Variants in ARHGEF40 observed in about 807,000 individuals in gnomAD.
ARHGEF40 encodes Rho guanine nucleotide exchange factor (GEF) 40.
A neutral mutation model predicts 165.9 loss-of-function variants in ARHGEF40; 98 were observed. The observed-to-expected ratio is 0.59, with a 90% CI of 0.50 to 0.70. The LOEUF (loss-of-function observed/expected upper bound fraction) is 0.70, where lower values mean the gene tolerates loss of function less well. Ranked by LOEUF, ARHGEF40 falls within the 30% of genes least tolerant of loss-of-function variation. The pLI is 0.00. For missense variants in ARHGEF40, 1,815 were observed against 1,968.0 expected (o/e 0.92, Z 1.47); for synonymous variants, 792 against 814.3 (o/e 0.97, Z 0.47).
the ARHGEF40 span, among the ~76,000 whole-genome samples, chr14:21,065,182 AC>A: frequency 6.5e-3 from 971 of 148,636 alleles, 7 homozygotes; most frequent in African/African-American, 0.022. Context: ...AAAAAAAAAA[AC>A]AAACAACAAC....
rs1886985773 is a variant in ARHGEF40, at chr14:21,072,138, G to GGT, written c.4-905_4-904dup. 6.6e-6 allele frequency among the ~76,000 whole-genome samples: 1 copy of GGT among 152,188 alleles called. No individual in the cohort carries two copies. Among genetic ancestry groups the GGT allele is most frequent in the East Asian group, 1.9e-4 (1 of 5,200 alleles). ...AAGTTTGCAAAGGAATAGCCCAAGG[G>GGT]GTGGTTGTTTAGGTTAGGAGTTGGA... On this transcript the variant is annotated intron_variant, in intron 1 of 23. Coordinates refer to ENST00000298694, the MANE Select transcript of ARHGEF40 (RefSeq NM_018071.5). The surrounding 1 kb of genome is among the most constrained non-coding windows in gnomAD (Gnocchi z 4.1).
intron 1 of ARHGEF40, among the ~76,000 whole-genome samples, chr14:21,071,820 T>TG (rs1187575855): frequency 6.6e-6 from 1 of 152,046 alleles, no homozygotes; most frequent in Non-Finnish European, 1.5e-5. Flanking sequence ...CCGGGAACAC[T>TG]GGGGGTCTGT....
Position 21,075,229 on chromosome 14 carries a change from G to T in ARHGEF40, c.1450+49G>T. On this transcript the variant is annotated intron_variant, in intron 3 of 23. Transcript: ENST00000298694. This position sits in a 1 kb window ranked among gnomAD's most constrained non-coding sequence, Gnocchi z 4.5. Reference sequence around the variant, plus strand: ...CATGGGGCAAGGGCCAAAGCAGGTCGGGCCTATGGGAGGGGGCAGGAGGAG... The same window carrying T: ...CATGGGGCAAGGGCCAAAGCAGGTCTGGCCTATGGGAGGGGGCAGGAGGAG... The T allele has an allele frequency of 6.3e-7, 1 of 1,584,258 alleles. No homozygotes were observed. Among genetic ancestry groups the T allele is most frequent in the South Asian group, 1.2e-5 (1 of 85,372 alleles).
In ARHGEF40 at chr14:21,072,957, AAC is replaced by A. The variant is rs1887095640; in HGVS notation, c.4-84_4-83del. ...ACATTGTACAATCGGGGCTTTGGAG[AAC>A]ACAGCCAACCCCAGACCAGTGCAGC... On this transcript the variant is annotated intron_variant, in intron 1 of 23. Coordinates refer to ENST00000298694, the MANE Select transcript of ARHGEF40 (RefSeq NM_018071.5). This position sits in a 1 kb window ranked among gnomAD's most constrained non-coding sequence, Gnocchi z 4.1. 5.2e-6 allele frequency: 7 copies of A among 1,354,560 alleles called. No homozygotes were observed. Among genetic ancestry groups the A allele is most frequent in the African/African-American group, 1.5e-5 (1 of 68,734 alleles). 83.9% of individuals were successfully genotyped at this position (1,354,560 alleles called of 1,614,324 possible). A position where few individuals can be genotyped will look rare whatever the true frequency, so the allele number is the denominator to read the frequency against.
intron 20 of ARHGEF40, 57 bp downstream of exon 20, chr14:21,087,162 A>T (rs1888409998): frequency 6.3e-7 from 1 of 1,596,190 alleles, no homozygotes; most frequent in South Asian, 1.1e-5. Flanking sequence ...GACAATGAGG[A>T]TACAAAGGGG....
Position 21,074,094 on chromosome 14 carries a change from A to G in ARHGEF40, c.364A>G (p.Lys122Glu), listed in dbSNP as rs1480622318. ...TGCCCAAGCACCCCGACTAGCACTC[A>G]AGTGTCTGGCCCCTGGGGGTGGGCG... is the stretch of plus-strand genomic sequence containing the variant. ...SAAQAPRLALKCLAPGGGRVQ... is the reference protein window; with the variant it reads ...SAAQAPRLALECLAPGGGRVQ... The change falls in exon 3 of 24, where the codon AAG becomes GAG. Residue 122 changes from lysine to glutamate, a missense_variant. Coordinates refer to ENST00000298694, the MANE Select transcript of ARHGEF40 (RefSeq NM_018071.5). The surrounding 1 kb of genome is among the most constrained non-coding windows in gnomAD (Gnocchi z 4.8). 6.2e-7 allele frequency: 1 copy of G among 1,614,106 alleles called. No individual in the cohort carries two copies. Among genetic ancestry groups the G allele is most frequent in the Non-Finnish European group, 8.5e-7 (1 of 1,180,018 alleles).
chr14:21,075,010 A>G lies in ARHGEF40; in HGVS notation c.1280A>G (p.Glu427Gly). ...LPSPSEHKLP[E>G]CHLVKEEYEG... The stretch of plus-strand genomic sequence containing the variant: ...TCACCAAGTGAGCACAAGCTTCCAG[A>G]ATGCCACCTGGTTAAGGAGGAATAT... The change falls in exon 3 of 24, where the codon GAA becomes GGA. Residue 427 changes from glutamate to glycine, a missense_variant. Glu to Gly is a moderately conservative substitution (Grantham distance 98). Transcript: ENST00000298694. This position sits in a 1 kb window ranked among gnomAD's most constrained non-coding sequence, Gnocchi z 4.5. The G allele has an allele frequency of 3.7e-6, 6 of 1,613,808 alleles. No individual in the cohort carries two copies. Among genetic ancestry groups the G allele is most frequent in the Non-Finnish European group, 5.1e-6 (6 of 1,179,970 alleles).
chr14:21,088,001 C>A lies in ARHGEF40; in HGVS notation c.4421C>A (p.Ser1474Tyr), dbSNP rs1290021599. 1 of 1,613,952 alleles carries A rather than the reference C, an allele frequency of 6.2e-7. No individual in the cohort carries two copies. ...PETLDSSGDV[S>Y]PGPRNSPSLQ... is the part of the protein sequence containing the mutation. Reference sequence around the variant, plus strand: ...ACACTTGACTCTTCTGGAGATGTGTCCCCAGGACCAAGAAACAGCCCCAGC... The same window carrying A: ...ACACTTGACTCTTCTGGAGATGTGTACCCAGGACCAAGAAACAGCCCCAGC... Residue 1474 changes from serine (S) to tyrosine (Y), a missense_variant, in exon 22 of 24, where the codon TCC becomes TAC. Physicochemically the swap from Ser to Tyr is moderately radical, Grantham distance 144. Transcript: ENST00000298694.
chr14:21,080,477 G>C (rs1042396719), intron 11 of ARHGEF40, among the ~76,000 whole-genome samples, 183 bp from the exon 12 acceptor site: 1 of 152,108 alleles, frequency 6.6e-6, no homozygotes, highest in Non-Finnish European at 1.5e-5. Flanking sequence ...TTTCTTACTC[G>C]GTTTCTCATC....
chr14:21,080,664 T>G lies in ARHGEF40; in HGVS notation c.2378T>G (p.Leu793Trp), dbSNP rs545674226. 2 of 1,610,016 alleles carry G rather than the reference T, an allele frequency of 1.2e-6. No individual in the cohort carries two copies. The highest frequency in any genetic ancestry group is 1.7e-6 in the Non-Finnish European group (2 of 1,178,914). The change falls in exon 12 of 24, where the codon TTG (leucine) becomes TGG (tryptophan). Residue 793 changes from leucine to tryptophan, a missense_variant. Leu to Trp is a moderately conservative substitution (Grantham distance 61). Transcript: ENST00000298694. Reference sequence around the variant, plus strand: ...CTCCCACCCCATCTGCCTCAGGTGTTGCAGTGGCTCTCGGGCCCAGGGGAG... The same window carrying G: ...CTCCCACCCCATCTGCCTCAGGTGTGGCAGTGGCTCTCGGGCCCAGGGGAG... ...RQCLRRLQQV[L>W]QWLSGPGEEQ...
chr14:21,076,446 G>A lies in ARHGEF40; in HGVS notation c.1826G>A (p.Ser609Asn), dbSNP rs1164652876. ...PLPPALIPALSQLQDSGDPPL... is the reference protein window; with the variant it reads ...PLPPALIPALNQLQDSGDPPL... ...CCTCCAGCACTCATTCCTGCCTTGA[G>A]CCAACTTCAGGTAACCACCCCTCAA... The change falls in exon 6 of 24, where the codon AGC becomes AAC. Residue 609 changes from serine (S) to asparagine (N), a missense_variant. Transcript: ENST00000298694. 7 of 1,613,860 alleles carry A rather than the reference G, an allele frequency of 4.3e-6. No individual in the cohort carries two copies. The highest frequency in any genetic ancestry group is 1.1e-5 in the South Asian group (1 of 91,092).
intron 8 of ARHGEF40, 91 bp downstream of exon 8, chr14:21,076,981 C>A: frequency 2.7e-6 from 3 of 1,098,260 alleles, no homozygotes; most frequent in Admixed American, 2.2e-5. Context: ...CAGGACATAC[C>A]ATGAGGTTGC....
chr14:21,081,955 C>T lies in ARHGEF40; in HGVS notation c.3087C>T (p.Gly1029=). The T allele has an allele frequency of 6.2e-7, 1 of 1,604,278 alleles. No homozygotes were observed. Among genetic ancestry groups the T allele is most frequent in the East Asian group, 2.3e-5 (1 of 44,314 alleles). ...EGPELAPEAE[G]RPPRAVLIRG... is the part of the protein sequence containing the mutation. ...CTGAGCTGGCTCCAGAAGCAGAGGG[C>T]AGGCCCCCAAGAGCTGTGCTGATCC... The change falls in exon 14 of 24, where the codon GGC becomes GGT. Residue 1029 remains glycine, a synonymous_variant. Transcript: ENST00000298694.
At chr14:21,082,802 G>C (rs2274678) in intron 15 of ARHGEF40, 29 bp from the exon 16 acceptor site, 3 of 1,608,570 alleles carry the variant, frequency 1.9e-6, no homozygotes, top group Admixed American at 1.7e-5. Context: ...CCTCACCGGG[G>C]ACTCCTTATC....
Position 21,074,703 on chromosome 14 carries a change from G to C in ARHGEF40, c.973G>C (p.Val325Leu). Residue 325 changes from valine (V) to leucine (L), a missense_variant, in exon 3 of 24, where the codon GTC becomes CTC. Coordinates refer to ENST00000298694, the MANE Select transcript of ARHGEF40 (RefSeq NM_018071.5). This position sits in a 1 kb window ranked among gnomAD's most constrained non-coding sequence, Gnocchi z 4.8. ...TGAGTCTCCCCCAGGAGCTGAGGCT[G>C]TCCCAGAGGCAGCAGTCTTGGAGGT... is the stretch of plus-strand genomic sequence containing the variant. ...SPESPPGAEA[V>L]PEAAVLEVSE... The C allele has an allele frequency of 6.3e-7, 1 of 1,592,928 alleles. No homozygotes were observed. Among genetic ancestry groups the C allele is most frequent in the Non-Finnish European group, 8.5e-7 (1 of 1,170,776 alleles).
Position 21,089,039 on chromosome 14 carries a change from T to C in ARHGEF40, c.*31T>C, listed in dbSNP as rs1888624251. The C allele has an allele frequency of 1.5e-6, 1 of 657,658 alleles. No individual in the cohort carries two copies. Among genetic ancestry groups the C allele is most frequent in the Non-Finnish European group, 2.5e-6 (1 of 395,788 alleles). 40.7% of individuals were successfully genotyped at this position (657,658 alleles called of 1,614,324 possible). A position where few individuals can be genotyped will look rare whatever the true frequency, so the allele number is the denominator to read the frequency against. On this transcript the variant is annotated 3_prime_UTR_variant, in exon 24 of 24. Transcript: ENST00000298694. ...AGAAGATCCAGAACTTGCGTGCAGC[T>C]TCTCCTCTCAGCACACTTTGGGCTG...
chr14:21,083,611 T>A (rs1325569109), intron 16 of ARHGEF40, among the ~76,000 whole-genome samples: 1 of 152,204 alleles, frequency 6.6e-6, no homozygotes. Context: ...ATTACTATTT[T>A]GATTCTTCTT....
intron 20 of ARHGEF40, 102 bp from the exon 21 acceptor site, chr14:21,087,218 G>A: frequency 1.9e-6 from 3 of 1,576,450 alleles, no homozygotes; most frequent in South Asian, 1.1e-5. Context: ...CCAAATCAGT[G>A]GGACTGGCTG....
At chr14:21,082,739 T>C in intron 15 of ARHGEF40, 92 bp from the exon 16 acceptor site, 1 of 1,347,990 alleles carries the variant, frequency 7.4e-7, no homozygotes, top group Non-Finnish European at 1.1e-6. Flanking sequence ...CCATCCCTCA[T>C]TTGGGCTACA....
Sources: gnomAD v4.1 joint callset for allele counts (sites outside exome capture counted in the v4.1 genomes callset) on GRCh38, gnomAD v4.1.1 for gene constraint, Gnocchi (gnomAD v3.1) non-coding constraint, MANE v1.5 for transcripts, NCBI Gene and HGNC (gene_info 2026-07-23, HGNC 2026-07-21) for gene names.